Variants in MAP3K15 observed in about 807,000 individuals in gnomAD.
MAP3K15 encodes mitogen-activated protein kinase kinase kinase 15.
A neutral mutation model predicts 99.5 loss-of-function variants in MAP3K15; 124 were observed. That is an observed-to-expected ratio of 1.25 (90% confidence interval 1.08 to 1.45). The LOEUF (loss-of-function observed/expected upper bound fraction) is 1.45, where lower values mean the gene tolerates loss of function less well. Among genes scored for constraint, MAP3K15 ranks in the 40% most tolerant of loss-of-function variants. The pLI, the probability that MAP3K15 is intolerant of heterozygous loss-of-function variation, is 0.00. For missense variants in MAP3K15, 1,242 were observed against 1,079.7 expected (o/e 1.15, Z -2.11); for synonymous variants, 494 against 439.6 (o/e 1.12, Z -1.55).
intron 1 of MAP3K15, among the ~76,000 whole-genome samples, chrX:19,511,713 G>A (rs2064519985): frequency 1.8e-5 from 2 of 112,229 alleles, no homozygotes; most frequent in South Asian, 7.4e-4. Flanking sequence ...CTTTTACACT[G>A]TTGGTGGGAG....
At chrX:19,363,788 G>A (rs1020223568) in intron 25 of MAP3K15, among the ~76,000 whole-genome samples, 1 of 110,680 alleles carries the variant, frequency 9.0e-6, no homozygotes, top group Non-Finnish European at 1.9e-5. Flanking sequence ...GAGTATCTGG[G>A]ACTACAGGCA....
chrX:19,515,155 T>C lies in MAP3K15; in HGVS notation c.107A>G (p.Glu36Gly). ...CGCGCCCTCCGCCGCCCCGTCGGGC[T>C]CCGCCGGCCCGGCCGCGCCCTCCAC... is the stretch of plus-strand genomic sequence containing the variant. ...PGVEGAAGPA[E>G]PDGAAEGAAG... The change falls in exon 1 of 29, where the codon GAG (glutamate) becomes GGG (glycine). Residue 36 changes from glutamate to glycine, a missense_variant. Physicochemically the swap from Glu to Gly is moderately conservative, Grantham distance 98 (BLOSUM62 -2). Transcript: ENST00000338883. 1.3e-6 allele frequency: 1 copy of C among 798,691 alleles called. No homozygotes were observed. The highest frequency in any genetic ancestry group is 2.3e-5 in the African/African-American group (1 of 44,189). 65.8% of individuals were successfully genotyped at this position (798,691 alleles called of 1,213,427 possible).
intron 19 of MAP3K15, chrX:19,377,017 G>A (rs1374675613): frequency 8.9e-6 from 1 of 111,832 alleles, no homozygotes; most frequent in Non-Finnish European, 1.9e-5. Flanking sequence ...ACATTCTGAG[G>A]TACTGGGGGT....
intron 7 of MAP3K15, among the ~76,000 whole-genome samples, chrX:19,427,660 G>C (rs2063842877): frequency 9.0e-6 from 1 of 110,873 alleles, no homozygotes; most frequent in Admixed American, 9.7e-5. Context: ...AAAATTATAG[G>C]CAGGAAAAAA....
chrX:19,483,598 C>G (rs1260263706), intron 3 of MAP3K15, among the ~76,000 whole-genome samples: 1 of 109,993 alleles, frequency 9.1e-6, no homozygotes, highest in Non-Finnish European at 1.9e-5. Flanking sequence ...TAATCAAAAT[C>G]TTTCCAAAAT....
intron 6 of MAP3K15, among the ~76,000 whole-genome samples, 177 bp downstream of exon 6, chrX:19,456,736 A>G (rs974891343): frequency 4.5e-5 from 5 of 111,974 alleles, no homozygotes; most frequent in Non-Finnish European, 3.8e-5. Context: ...TCAATCTCAC[A>G]GCTAGAATGT....
intron 3 of MAP3K15, among the ~76,000 whole-genome samples, chrX:19,483,754 A>G (rs1340291401): frequency 8.9e-6 from 1 of 111,860 alleles, no homozygotes; most frequent in Non-Finnish European, 1.9e-5. Flanking sequence ...TTACTTTGAC[A>G]TTCTATTTTA....
intron 6 of MAP3K15, among the ~76,000 whole-genome samples, chrX:19,451,654 T>TA (rs113385166): frequency 0.021 from 2,059 of 97,265 alleles, 41 homozygotes; most frequent in African/African-American, 0.06. Flanking sequence ...GGGCAGCTAA[T>TA]AAAAAAAAAA....
intron 1 of MAP3K15, chrX:19,497,423 A>G (rs1270394397): frequency 9.0e-6 from 1 of 111,341 alleles, no homozygotes; most frequent in Non-Finnish European, 1.9e-5. Context: ...CAGCCTCCCA[A>G]AGGGCTGGGA....
intron 18 of MAP3K15, among the ~76,000 whole-genome samples, chrX:19,387,423 G>C (rs771907390): frequency 6.3e-5 from 7 of 111,995 alleles, no homozygotes; most frequent in Admixed American, 1.9e-4. Context: ...GTCTCATTCT[G>C]TCGCCCAGGC....
chrX:19,471,406 G>C (rs1002239880), intron 3 of MAP3K15, among the ~76,000 whole-genome samples: 14 of 110,246 alleles, frequency 1.3e-4, no homozygotes, highest in Non-Finnish European at 7.6e-5. Flanking sequence ...CTGGGATTAA[G>C]GCATGCACCA....
intron 7 of MAP3K15, 90 bp from the exon 8 acceptor site, chrX:19,426,433 C>A: frequency 1.8e-6 from 1 of 540,667 alleles, no homozygotes; most frequent in South Asian, 4.6e-5. Flanking sequence ...GAAAAGTTTT[C>A]TTTCTCTAAA....
intron 13 of MAP3K15, among the ~76,000 whole-genome samples, chrX:19,404,938 T>A (rs1215315588): frequency 9.0e-6 from 1 of 110,850 alleles, no homozygotes; most frequent in East Asian, 2.8e-4. Context: ...ATAAAAACCA[T>A]AGAACACCTC....
intron 6 of MAP3K15, among the ~76,000 whole-genome samples, chrX:19,449,568 G>C (rs1394077619): frequency 9.2e-6 from 1 of 108,621 alleles, no homozygotes; most frequent in Admixed American, 9.8e-5. Flanking sequence ...TAAAGACGAG[G>C]GATGTTGCTA....
chrX:19,421,724 C>G (rs1279355949), intron 9 of MAP3K15, among the ~76,000 whole-genome samples: 2 of 107,087 alleles, frequency 1.9e-5, no homozygotes, highest in Non-Finnish European at 3.8e-5. Flanking sequence ...ATTGCCAAGA[C>G]AATCCTAAGC....
Position 19,415,175 on chromosome X carries a change from G to A in MAP3K15, c.1522C>T (p.Arg508Trp), listed in dbSNP as rs182589249. The A allele has an allele frequency of 5.1e-4, 606 of 1,176,738 alleles. 1 individual carries two copies. The African/African-American group carries it at 6.8e-3, about 13-fold the overall frequency. Residue 508 changes from arginine (R) to tryptophan (W), a missense_variant, in exon 10 of 29, where the codon CGG becomes TGG. Arg to Trp is a moderately radical substitution (Grantham distance 101, BLOSUM62 -3). Transcript: ENST00000338883. ...ATTATATCTAACCAGAAGTTCAGCC[G>A]CTCTTGCCTGGGCGAGTGTTCAATA... Reference protein sequence around the residue: ...TIIEHSPRQERLNFWLDIIFE... With the variant: ...TIIEHSPRQEWLNFWLDIIFE...
At chrX:19,369,599 C>T (rs752210040) in intron 24 of MAP3K15, among the ~76,000 whole-genome samples, 192 of 110,697 alleles carry the variant, frequency 1.7e-3, no homozygotes, top group Middle Eastern at 4.6e-3. Flanking sequence ...GGTGAAACCC[C>T]ATCTCTACTA....
chrX:19,416,638 T>C lies in MAP3K15; in HGVS notation c.1440-1381A>G, dbSNP rs192375712. Among the ~76,000 whole-genome samples the C allele has an allele frequency of 2.0e-4, 22 of 112,180 alleles. No homozygotes were observed. The East Asian group carries it at 5.9e-3, about 30-fold the overall frequency. On this transcript the variant is annotated intron_variant, in intron 9 of 28. Transcript: ENST00000338883. Reference sequence around the variant, plus strand: ...TTCTGCAGTTACGGCTGCTGCCATTTCAAGATAAATGAAGCCAGCCTAAAA... The same window carrying C: ...TTCTGCAGTTACGGCTGCTGCCATTCCAAGATAAATGAAGCCAGCCTAAAA...
At chrX:19,482,790 CA>C (rs2074978847) in intron 3 of MAP3K15, among the ~76,000 whole-genome samples, 1 of 111,595 alleles carries the variant, frequency 9.0e-6, no homozygotes, top group Admixed American at 9.5e-5. Flanking sequence ...AAAAACAAAA[CA>C]AAACCAGAAC....
Sources: gnomAD v4.1 joint callset for allele counts (sites outside exome capture counted in the v4.1 genomes callset) on GRCh38, gnomAD v4.1.1 for gene constraint, MANE v1.5 for transcripts, NCBI Gene and HGNC (gene_info 2026-07-23, HGNC 2026-07-21) for gene names.